Variants in SOX9 observed in about 807,000 individuals in gnomAD.
SOX9 encodes the protein transcription factor SOX-9.
SOX9 carries 2 observed loss-of-function variants against 44.8 expected under a neutral mutation model. That is an observed-to-expected ratio of 0.04 (90% CI 0.02 to 0.14). The LOEUF is 0.14. Among genes scored for constraint, SOX9 ranks in the 10% least tolerant of loss-of-function variants. SOX9 has a pLI of 1.00. For synonymous variants in SOX9, 381 were observed against 331.8 expected (o/e 1.15, Z -1.61); for missense variants, 583 against 728.6 (o/e 0.80, Z 2.30).
At position 72,123,315 on chromosome 17, in the gene SOX9, T is replaced by TCCGGACCCTCCGGGCC. The variant is rs1370033304; in HGVS notation, c.686-225_686-210dup. Among the ~76,000 whole-genome samples, 23 of 152,264 alleles carry TCCGGACCCTCCGGGCC rather than the reference T, an allele frequency of 1.5e-4. No individual in the cohort carries two copies. The highest frequency in any genetic ancestry group is 5.3e-4 in the African/African-American group (22 of 41,566). ...TCTTACACAAGTAGCAATTAGGTCT[T>TCCGGACCCTCCGGGCC]CCGGACCCTCCGGGCCCCAGACCCT... On this transcript the variant is annotated intron_variant, in intron 2 of 2. Transcript: ENST00000245479. This position sits in a 1 kb window ranked among gnomAD's most constrained non-coding sequence, Gnocchi z 6.5.
In SOX9 at chr17:72,121,048, A is replaced by G. The variant is rs1169205388; in HGVS notation, c.-344A>G. 5.6e-6 allele frequency: 3 copies of G among 534,458 alleles called. No individual in the cohort carries two copies. The highest frequency in any genetic ancestry group is 9.7e-6 in the Non-Finnish European group (3 of 307,906). The allele number at this position is 534,458 out of a possible 1,614,324, so 33.1% of individuals were successfully genotyped here. On this transcript the variant is annotated 5_prime_UTR_variant, in exon 1 of 3. Transcript: ENST00000245479. The surrounding 1 kb of genome is among the most constrained non-coding windows in gnomAD (Gnocchi z 8.3). ...GAGCCGAAAGCGGAGCTCGAAACTGACTGGAAACTTCAGTGGCGCGGAGAC... is the reference window on the plus strand; with the variant it reads ...GAGCCGAAAGCGGAGCTCGAAACTGGCTGGAAACTTCAGTGGCGCGGAGAC...
At position 72,122,734 on chromosome 17, in the gene SOX9, C is replaced by T. The variant is rs769838386; in HGVS notation, c.447C>T (p.Ser149=). The change falls in exon 2 of 3, where the codon AGC becomes AGT. Residue 149 remains serine (S), a synonymous_variant. Transcript: ENST00000245479. ...LGKLWRLLNE[S]EKRPFVEEAE... is the part of the protein sequence containing the mutation. ...CCCCGAGCAGACTTCTGAACGAGAG[C>T]GAGAAGCGGCCCTTCGTGGAGGAGG... 2.5e-6 allele frequency: 4 copies of T among 1,613,844 alleles called. No homozygotes were observed. Among genetic ancestry groups the T allele is most frequent in the Non-Finnish European group, 3.4e-6 (4 of 1,179,980 alleles).
chr17:72,126,092 T>A lies in SOX9; in HGVS notation c.*1705T>A, dbSNP rs1908275973. On this transcript the variant is annotated 3_prime_UTR_variant, in exon 3 of 3. Transcript: ENST00000245479. ...TTTTAAAAAAGACAGCAAACTTTTT[T>A]TTTTATTTAAAAAAAGATATATTAA... The A allele has an allele frequency of 4.3e-6, 1 of 232,398 alleles. No individual in the cohort carries two copies. The highest frequency in any genetic ancestry group is 2.2e-5 in the African/African-American group (1 of 45,282). 14.4% of individuals were successfully genotyped at this position (232,398 alleles called of 1,614,324 possible).
Position 72,123,115 on chromosome 17 carries a change from C to G in SOX9, c.685+143C>G. On this transcript the variant is annotated intron_variant, in intron 2 of 2. Transcript: ENST00000245479. This position sits in a 1 kb window ranked among gnomAD's most constrained non-coding sequence, Gnocchi z 6.5. The stretch of plus-strand genomic sequence containing the variant: ...CCCTTTGCGCCCGTCCCGCTCCCCT[C>G]TCTACCCAGAGCCTAAGAGGCATCC... The G allele has an allele frequency of 1.0e-6, 1 of 991,328 alleles. No individual in the cohort carries two copies. The highest frequency in any genetic ancestry group is 2.0e-5 in the Admixed American group (1 of 48,868). The allele number at this position is 991,328 out of a possible 1,614,324, so 61.4% of individuals were successfully genotyped here.
chr17:72,124,450 G>A lies in SOX9; in HGVS notation c.*63G>A. The stretch of plus-strand genomic sequence containing the variant: ...TCCTAAAAATAACCGAAGAAAGAGA[G>A]GACCAACCAGAATTCCCTTTGGACA... On this transcript the variant is annotated 3_prime_UTR_variant, in exon 3 of 3. Coordinates refer to ENST00000245479, the MANE Select transcript of SOX9 (RefSeq NM_000346.4). The surrounding 1 kb of genome is among the most constrained non-coding windows in gnomAD (Gnocchi z 4.6). 6.4e-6 allele frequency: 10 copies of A among 1,559,352 alleles called. No individual in the cohort carries two copies. The highest frequency in any genetic ancestry group is 8.7e-6 in the Non-Finnish European group (10 of 1,143,170).
Position 72,121,624 on chromosome 17 carries a change from G to T in SOX9, c.233G>T (p.Ser78Ile). 2 of 1,602,272 alleles carry T rather than the reference G, an allele frequency of 1.2e-6. No individual in the cohort carries two copies. The highest frequency in any genetic ancestry group is 1.7e-5 in the Admixed American group (1 of 58,204). Residue 78 changes from serine to isoleucine, a missense_variant, in exon 1 of 3, where the codon AGC becomes ATC. Around this residue, in one of 7 missense-constraint regions of SOX9, gnomAD observed 19 missense variants for 46.8 expected, o/e 0.41. Transcript: ENST00000245479. This position sits in a 1 kb window ranked among gnomAD's most constrained non-coding sequence, Gnocchi z 8.3. ...CCCGTGTGCATCCGCGAGGCGGTCA[G>T]CCAGGTGCTCAAAGGCTACGACTGG... ...KFPVCIREAV[S>I]QVLKGYDWTL...
At chr17:72,122,197 C>G (rs1489871770) in intron 1 of SOX9, among the ~76,000 whole-genome samples, 1 of 151,988 alleles carries the variant, frequency 6.6e-6, no homozygotes, top group Non-Finnish European at 1.5e-5. Context: ...ACTGCACTCT[C>G]TCGTGCAGCC....
rs1474830903 is a variant in SOX9, at chr17:72,121,322, G to C, written c.-70G>C. ...GGCAGCCGAGGGGAGAGGAGCCCGC[G>C]CCTCGAGTCCCCGAGCCGCCGCGGC... On this transcript the variant is annotated 5_prime_UTR_variant, in exon 1 of 3. Coordinates refer to ENST00000245479, the MANE Select transcript of SOX9 (RefSeq NM_000346.4). The surrounding 1 kb of genome is among the most constrained non-coding windows in gnomAD (Gnocchi z 8.3). 6 of 1,417,252 alleles carry C rather than the reference G, an allele frequency of 4.2e-6. No homozygotes were observed. In the African/African-American group the frequency reaches 7.0e-5, roughly 17 times the overall value. The allele number at this position is 1,417,252 out of a possible 1,614,324, so 87.8% of individuals were successfully genotyped here.
At position 72,121,104 on chromosome 17, in the gene SOX9, T is replaced by C. The variant is rs1431058348; in HGVS notation, c.-288T>C. The C allele has an allele frequency of 1.8e-6, 1 of 546,016 alleles. No homozygotes were observed. Among genetic ancestry groups the C allele is most frequent in the Non-Finnish European group, 3.2e-6 (1 of 312,854 alleles). The allele number at this position is 546,016 out of a possible 1,614,324, so 33.8% of individuals were successfully genotyped here. A position where few individuals can be genotyped will look rare whatever the true frequency, so the allele number is the denominator to read the frequency against. On this transcript the variant is annotated 5_prime_UTR_variant, in exon 1 of 3. Transcript: ENST00000245479. This position sits in a 1 kb window ranked among gnomAD's most constrained non-coding sequence, Gnocchi z 8.3. ...AGTTTCAACCCCGGAAACTTTTCTT[T>C]GCAGGAGGAGAAGAGAAGGGGTGCA...
rs757986179 is a variant in SOX9, at chr17:72,123,145, A to G, written c.685+173A>G. Among the ~76,000 whole-genome samples the G allele has an allele frequency of 1.3e-5, 2 of 152,064 alleles. No individual in the cohort carries two copies. Among genetic ancestry groups the G allele is most frequent in the Non-Finnish European group, 2.9e-5 (2 of 68,002 alleles). On this transcript the variant is annotated intron_variant, in intron 2 of 2. Coordinates refer to ENST00000245479, the MANE Select transcript of SOX9 (RefSeq NM_000346.4). This position sits in a 1 kb window ranked among gnomAD's most constrained non-coding sequence, Gnocchi z 6.5. ...CCCAGAGCCTAAGAGGCATCCAAAC[A>G]ACACACACACAAACACACACACCCC...
chr17:72,122,699 C>A lies in SOX9; in HGVS notation c.432-20C>A, dbSNP rs753494101. 2.5e-6 allele frequency: 4 copies of A among 1,612,092 alleles called. No individual in the cohort carries two copies. The highest frequency in any genetic ancestry group is 3.4e-6 in the Non-Finnish European group (4 of 1,178,976). ...CCCTCTCCCTCTTTTTCTCTGTGCC[C>A]CCCGCCCCGCCCCGAGCAGACTTCT... On this transcript the variant is annotated intron_variant, in intron 1 of 2. Coordinates refer to ENST00000245479, the MANE Select transcript of SOX9 (RefSeq NM_000346.4).
At position 72,122,915 on chromosome 17, in the gene SOX9, G is replaced by T. The variant is rs201541265; in HGVS notation, c.628G>T (p.Asp210Tyr). The change falls in exon 2 of 3, where the codon GAC (aspartate) becomes TAC (tyrosine). Residue 210 changes from aspartate to tyrosine, a missense_variant. Asp to Tyr is a radical substitution (Grantham distance 160). This residue lies in a region of SOX9 where 88 missense variants were observed against 65.5 expected (regional missense o/e 1.34). Coordinates refer to ENST00000245479, the MANE Select transcript of SOX9 (RefSeq NM_000346.4). ...PNAIFKALQA[D>Y]SPHSSSGMSE... is the part of the protein sequence containing the mutation. ...CGCCATCTTCAAGGCGCTGCAGGCC[G>T]ACTCGCCACACTCCTCCTCCGGCAT... 6.2e-7 allele frequency: 1 copy of T among 1,614,066 alleles called. No individual in the cohort carries two copies. Among genetic ancestry groups the T allele is most frequent in the Non-Finnish European group, 8.5e-7 (1 of 1,179,988 alleles).
At position 72,123,618 on chromosome 17, in the gene SOX9, G is replaced by A; in HGVS notation, c.761G>A (p.Arg254Gln). 1 of 1,591,630 alleles carries A rather than the reference G, an allele frequency of 6.3e-7. No homozygotes were observed. The highest frequency in any genetic ancestry group is 1.1e-5 in the South Asian group (1 of 90,798). The change falls in exon 3 of 3, where the codon CGA (arginine) becomes CAA (glutamine). Residue 254 changes from arginine to glutamine, a missense_variant. Coordinates refer to ENST00000245479, the MANE Select transcript of SOX9 (RefSeq NM_000346.4). This position sits in a 1 kb window ranked among gnomAD's most constrained non-coding sequence, Gnocchi z 6.5. Reference protein sequence around the residue: ...DVQPGKADLKREGRPLPEGGR... With the variant: ...DVQPGKADLKQEGRPLPEGGR... The stretch of plus-strand genomic sequence containing the variant: ...CAGCCGGGCAAGGCTGACCTGAAGC[G>A]AGAGGGGCGCCCCTTGCCAGAGGGG...
rs1373464655 is a variant in SOX9 at position 72,126,341 on chromosome 17, C to T, written c.*1954C>T. ...CAAACCTTTTGTTCTCTCCGTGAAA[C>T]TTACCTTTCCCTTTTTCTTTCTCTT... is the stretch of plus-strand genomic sequence containing the variant. On this transcript the variant is annotated 3_prime_UTR_variant, in exon 3 of 3. Transcript: ENST00000245479. The T allele has an allele frequency of 1.3e-5, 3 of 228,938 alleles. No individual in the cohort carries two copies. The highest frequency in any genetic ancestry group is 1.3e-3 in the Middle Eastern group (1 of 794). 14.2% of individuals were successfully genotyped at this position (228,938 alleles called of 1,614,324 possible). A position where few individuals can be genotyped will look rare whatever the true frequency, so the allele number is the denominator to read the frequency against.
chr17:72,124,584 A>T lies in SOX9; in HGVS notation c.*197A>T. 1 of 712,002 alleles carries T rather than the reference A, an allele frequency of 1.4e-6. No individual in the cohort carries two copies. The highest frequency in any genetic ancestry group is 2.7e-5 in the East Asian group (1 of 37,004). 44.1% of individuals were successfully genotyped at this position (712,002 alleles called of 1,614,324 possible). ...GTACCCAAATTTCCAAGACACAAAC[A>T]TGACCTATCCAAGCGCATTACCCAC... On this transcript the variant is annotated 3_prime_UTR_variant, in exon 3 of 3. Coordinates refer to ENST00000245479, the MANE Select transcript of SOX9 (RefSeq NM_000346.4). The surrounding 1 kb of genome is among the most constrained non-coding windows in gnomAD (Gnocchi z 4.6).
chr17:72,121,553 C>A lies in SOX9; in HGVS notation c.162C>A (p.Pro54=). The change falls in exon 1 of 3, where the codon CCC becomes CCA. Residue 54 remains proline (P), a synonymous_variant. Coordinates refer to ENST00000245479, the MANE Select transcript of SOX9 (RefSeq NM_000346.4). The surrounding 1 kb of genome is among the most constrained non-coding windows in gnomAD (Gnocchi z 8.3). ...ENTRPQENTF[P]KGEPDLKKES... ...CGCGGCCCCAGGAGAACACGTTCCCCAAGGGCGAGCCCGATCTGAAGAAGG... is the reference window on the plus strand; with the variant it reads ...CGCGGCCCCAGGAGAACACGTTCCCAAAGGGCGAGCCCGATCTGAAGAAGG... 1.2e-6 allele frequency: 2 copies of A among 1,609,426 alleles called. No homozygotes were observed. The highest frequency in any genetic ancestry group is 2.2e-5 in the East Asian group (1 of 44,656).
Position 72,121,544 on chromosome 17 carries a change from C to T in SOX9, c.153C>T (p.Asn51=). Reference sequence around the variant, plus strand: ...CCGAGAACACGCGGCCCCAGGAGAACACGTTCCCCAAGGGCGAGCCCGATC... The same window carrying T: ...CCGAGAACACGCGGCCCCAGGAGAATACGTTCCCCAAGGGCGAGCCCGATC... ...SDTENTRPQE[N]TFPKGEPDLK... is the part of the protein sequence containing the mutation. Residue 51 remains asparagine, a synonymous_variant, in exon 1 of 3, where the codon AAC becomes AAT. Transcript: ENST00000245479. This position sits in a 1 kb window ranked among gnomAD's most constrained non-coding sequence, Gnocchi z 8.3. 1 of 1,609,294 alleles carries T rather than the reference C, an allele frequency of 6.2e-7. No homozygotes were observed. The highest frequency in any genetic ancestry group is 8.5e-7 in the Non-Finnish European group (1 of 1,178,360).
rs1908197326 is a variant in SOX9 at position 72,123,941 on chromosome 17, CCGCAGG to C, written c.1087_1092del (p.Gln363_Ala364del). 3 of 1,333,444 alleles carry C rather than the reference CCGCAGG, an allele frequency of 2.2e-6. No homozygotes were observed. Among genetic ancestry groups the C allele is most frequent in the Non-Finnish European group, 2.9e-6 (3 of 1,048,800 alleles). 82.6% of individuals were successfully genotyped at this position (1,333,444 alleles called of 1,614,324 possible). Reference sequence around the variant, plus strand: ...GCCGGCCCCGCAGGCGCCCCCGCAGCCGCAGGCGGCGCCCCCACAGCAGCCGGCGGC... The same window carrying C: ...GCCGGCCCCGCAGGCGCCCCCGCAGCCGGCGCCCCCACAGCAGCCGGCGGC... On this transcript the variant is annotated inframe_deletion, in exon 3 of 3. Coordinates refer to ENST00000245479, the MANE Select transcript of SOX9 (RefSeq NM_000346.4). This position sits in a 1 kb window ranked among gnomAD's most constrained non-coding sequence, Gnocchi z 6.5.
rs1346219197 is a variant in SOX9, at chr17:72,121,186, C to T, written c.-206C>T. 6.8e-6 allele frequency: 4 copies of T among 589,368 alleles called. No individual in the cohort carries two copies. The East Asian group carries it at 8.8e-5, about 13-fold the overall frequency. The allele number at this position is 589,368 out of a possible 1,614,324, so 36.5% of individuals were successfully genotyped here. On this transcript the variant is annotated 5_prime_UTR_variant, in exon 1 of 3. Coordinates refer to ENST00000245479, the MANE Select transcript of SOX9 (RefSeq NM_000346.4). The surrounding 1 kb of genome is among the most constrained non-coding windows in gnomAD (Gnocchi z 8.3). Reference sequence around the variant, plus strand: ...TCCTCCTCCTCTCCAATTCGCCTCCCCCCACTTGGAGCGGGCAGCTGTGAA... The same window carrying T: ...TCCTCCTCCTCTCCAATTCGCCTCCTCCCACTTGGAGCGGGCAGCTGTGAA...
Sources: allele counts gnomAD v4.1 joint callset (sites outside exome capture counted in the v4.1 genomes callset), GRCh38; gene constraint gnomAD v4.1.1; regional missense constraint gnomAD v4.1.1; non-coding constraint Gnocchi (gnomAD v3.1); transcripts MANE v1.5; gene names NCBI Gene and HGNC (gene_info 2026-07-23, HGNC 2026-07-21).